AEBP2: variants seen among roughly 807,000 people sequenced by gnomAD.
AEBP2 encodes zinc finger protein AEBP2.
Under a neutral mutation model 50.8 loss-of-function variants are expected in AEBP2, and 10 were observed. The observed-to-expected ratio is 0.20, with a 90% CI of 0.12 to 0.33. The LOEUF (loss-of-function observed/expected upper bound fraction) is 0.33, where lower values mean the gene tolerates loss of function less well. Ranked by LOEUF, AEBP2 falls within the 10% of genes least tolerant of loss-of-function variation. The pLI is 1.00. For missense variants in AEBP2, 570 were observed against 688.0 expected (o/e 0.83, Z 1.92); for synonymous variants, 296 against 261.3 (o/e 1.13, Z -1.28).
chr12:19,516,179 G>A (rs568767853), intron 7 of AEBP2, among the ~76,000 whole-genome samples: 11 of 152,244 alleles, frequency 7.2e-5, no homozygotes, highest in Admixed American at 1.3e-4. Context: ...TCATCAAGGA[G>A]AAGAAGATTG....
intron 3 of AEBP2, 38 bp from the exon 4 acceptor site, chr12:19,493,762 A>C: frequency 6.3e-7 from 1 of 1,596,352 alleles, no homozygotes; most frequent in Non-Finnish European, 8.6e-7. Flanking sequence ...TGCCCTACAC[A>C]GCATGCCTGA....
intron 1 of AEBP2, among the ~76,000 whole-genome samples, chr12:19,455,582 G>C (rs995566735): frequency 6.6e-6 from 1 of 152,160 alleles, no homozygotes; most frequent in African/African-American, 2.4e-5. Context: ...CCACCAAGCA[G>C]ATACTTGCCT....
chr12:19,482,015 A>G (rs1380781390), intron 3 of AEBP2, among the ~76,000 whole-genome samples: 1 of 152,232 alleles, frequency 6.6e-6, no homozygotes, highest in Non-Finnish European at 1.5e-5. Flanking sequence ...CTGGGGTTAT[A>G]GAACCCTGTT....
intron 1 of AEBP2, among the ~76,000 whole-genome samples, chr12:19,404,646 A>G (rs2095735145): frequency 1.3e-5 from 2 of 152,164 alleles, no homozygotes; most frequent in Admixed American, 6.6e-5. Context: ...TTTCTGATTT[A>G]CAACTGGTTA....
At chr12:19,500,642 C>G (rs1949054498) in intron 5 of AEBP2, among the ~76,000 whole-genome samples, 1 of 152,114 alleles carries the variant, frequency 6.6e-6, no homozygotes, top group South Asian at 2.1e-4. Context: ...CCCCACGTAC[C>G]CATCCAAAGT....
intron 3 of AEBP2, among the ~76,000 whole-genome samples, chr12:19,479,433 C>T (rs997599547): frequency 2.6e-5 from 4 of 152,118 alleles, no homozygotes; most frequent in African/African-American, 9.7e-5. Flanking sequence ...TATCCAAATA[C>T]AAGAAGCTCA....
At chr12:19,500,474 C>G (rs1949051564) in intron 5 of AEBP2, among the ~76,000 whole-genome samples, 1 of 152,096 alleles carries the variant, frequency 6.6e-6, no homozygotes, top group South Asian at 2.1e-4. Context: ...GGATGACACA[C>G]CATACAGTGT....
chr12:19,448,168 A>G (rs576835849), intron 1 of AEBP2, among the ~76,000 whole-genome samples: 2 of 152,222 alleles, frequency 1.3e-5, no homozygotes, highest in African/African-American at 4.8e-5. Flanking sequence ...TGACCTCCCA[A>G]AGTGCTGGGA....
upstream of AEBP2, among the ~76,000 whole-genome samples, chr12:19,435,888 A>C (rs1947854287): frequency 6.6e-6 from 1 of 152,186 alleles, no homozygotes; most frequent in Admixed American, 6.5e-5. Flanking sequence ...AGAAAATGAT[A>C]CCCCAAAGTA....
At chr12:19,464,286 A>G (rs908956790) in intron 2 of AEBP2, among the ~76,000 whole-genome samples, 1 of 152,070 alleles carries the variant, frequency 6.6e-6, no homozygotes, top group Non-Finnish European at 1.5e-5. Flanking sequence ...GCTTTTGTAG[A>G]TCTGCTTTTT....
chr12:19,424,474 G>T (rs1271089034), intron 1 of AEBP2, among the ~76,000 whole-genome samples: 1 of 151,718 alleles, frequency 6.6e-6, no homozygotes, highest in Non-Finnish European at 1.5e-5. Context: ...TCGGCTCACT[G>T]CAAGCTCTGC....
At chr12:19,465,185 G>T (rs1217690788) in intron 2 of AEBP2, among the ~76,000 whole-genome samples, 1 of 151,818 alleles carries the variant, frequency 6.6e-6, no homozygotes, top group East Asian at 2.0e-4. Flanking sequence ...ACGGGGTCAG[G>T]AGTTTGAGAC....
At chr12:19,417,875 TTG>T (rs1451752904) in intron 1 of AEBP2, among the ~76,000 whole-genome samples, 1 of 152,028 alleles carries the variant, frequency 6.6e-6, no homozygotes, top group Non-Finnish European at 1.5e-5. Context: ...CAGCTATTTT[TTG>T]TGTTTTTAGT....
chr12:19,470,271 C>T (rs1038738044), intron 2 of AEBP2, among the ~76,000 whole-genome samples: 1 of 151,994 alleles, frequency 6.6e-6, no homozygotes, highest in Non-Finnish European at 1.5e-5. Flanking sequence ...GATTCTCCTG[C>T]CTCAGCCTCC....
chr12:19,488,127 T>A (rs1008290654), intron 3 of AEBP2, among the ~76,000 whole-genome samples: 2 of 34,244 alleles, frequency 5.8e-5, no homozygotes, highest in Non-Finnish European at 2.4e-4. Context: ...ACAGATTAAA[T>A]TTTTTTTTTT....
chr12:19,466,447 T>A (rs1330538061), intron 2 of AEBP2, among the ~76,000 whole-genome samples: 1 of 151,846 alleles, frequency 6.6e-6, no homozygotes, highest in Non-Finnish European at 1.5e-5. Context: ...TGAGATCCTG[T>A]CTCAAAAAAA....
intron 3 of AEBP2, among the ~76,000 whole-genome samples, chr12:19,480,322 C>T (rs1007588958): frequency 6.6e-6 from 1 of 152,178 alleles, no homozygotes; most frequent in Admixed American, 6.5e-5. Flanking sequence ...CCAGGCTGGT[C>T]TTGAATTCCT....
chr12:19,458,399 G>C (rs1487820203), intron 1 of AEBP2, among the ~76,000 whole-genome samples: 1 of 152,190 alleles, frequency 6.6e-6, no homozygotes, highest in Non-Finnish European at 1.5e-5. Context: ...GACTCTGTGT[G>C]GGATGTCTTG....
intron 2 of AEBP2, among the ~76,000 whole-genome samples, chr12:19,467,604 C>G (rs1440697446): frequency 2.0e-5 from 3 of 152,062 alleles, no homozygotes; most frequent in African/African-American, 7.2e-5. Flanking sequence ...TAGGTCCGTA[C>G]GTCTATGTGT....
Sources: allele counts gnomAD v4.1 joint callset (sites outside exome capture counted in the v4.1 genomes callset), GRCh38; gene constraint gnomAD v4.1.1; transcripts MANE v1.5; gene names NCBI Gene and HGNC (gene_info 2026-07-23, HGNC 2026-07-21).